GFRA1: variants seen among roughly 807,000 people sequenced by gnomAD.
The protein encoded by GFRA1 is GDNF family receptor alpha 1.
Under a neutral mutation model 51.6 loss-of-function variants are expected in GFRA1, and 16 were observed. The ratio of observed to expected loss-of-function variants is 0.31; its 90% CI spans 0.21 to 0.47. The LOEUF is 0.47. Ranked by LOEUF, GFRA1 falls within the 20% of genes least tolerant of loss-of-function variation. The probability of loss-of-function intolerance (pLI) is 1.00; values close to 1 mark genes in which losing one functional copy is unlikely to be tolerated. For synonymous variants in GFRA1, 270 were observed against 241.3 expected (o/e 1.12, Z -1.10); for missense variants, 530 against 594.3 (o/e 0.89, Z 1.13).
At chr10:116,186,570 T>TAA (rs386372545) in intron 5 of GFRA1, among the ~76,000 whole-genome samples, 17,802 of 128,840 alleles carry the variant, frequency 0.14, 1,273 homozygotes, top group African/African-American at 0.17. Flanking sequence ...GAAAGGCTCT[T>TAA]AAAAAAAAAA....
At position 116,057,990 on chromosome 10, in the gene GFRA1, T is replaced by G. The variant is rs1166223504; in HGVS notation, c.*6408A>C. On this transcript the variant is annotated 3_prime_UTR_variant, in exon 11 of 11. Transcript: ENST00000355422. ...GCTGGATCATATAGCCCTCCAATCATTGTGTGTGTGTGTGTGTGTGTGTGT... is the reference window on the plus strand; with the variant it reads ...GCTGGATCATATAGCCCTCCAATCAGTGTGTGTGTGTGTGTGTGTGTGTGT... The G allele has an allele frequency of 7.8e-6, 1 of 129,028 alleles. No individual in the cohort carries two copies. The highest frequency in any genetic ancestry group is 2.9e-5 in the African/African-American group (1 of 34,022). 8.0% of individuals were successfully genotyped at this position (129,028 alleles called of 1,614,324 possible). A position where few individuals can be genotyped will look rare whatever the true frequency, so the allele number is the denominator to read the frequency against.
intron 5 of GFRA1, among the ~76,000 whole-genome samples, chr10:116,144,017 G>T (rs962521595): frequency 3.3e-5 from 5 of 152,180 alleles, no homozygotes; most frequent in South Asian, 4.2e-4. Flanking sequence ...AAATTTTTTT[G>T]AGCATAACAG....
intron 9 of GFRA1, among the ~76,000 whole-genome samples, chr10:116,081,047 G>T (rs1955828185): frequency 6.6e-6 from 1 of 152,204 alleles, no homozygotes; most frequent in Non-Finnish European, 1.5e-5. Context: ...TGTCTAGCTG[G>T]TTCTGATCTG....
intron 6 of GFRA1, among the ~76,000 whole-genome samples, chr10:116,110,391 G>A (rs1012211789): frequency 6.6e-6 from 1 of 152,118 alleles, no homozygotes; most frequent in South Asian, 2.1e-4. Context: ...CACGCCTGCA[G>A]GGCAGCTGGG....
intron 5 of GFRA1, among the ~76,000 whole-genome samples, chr10:116,150,683 A>T (rs923267334): frequency 1.3e-5 from 2 of 152,200 alleles, no homozygotes; most frequent in Non-Finnish European, 2.9e-5. Flanking sequence ...TATTTATAGC[A>T]TTCTGTTTTT....
chr10:116,086,170 G>C (rs1285225823), intron 9 of GFRA1, among the ~76,000 whole-genome samples: 1 of 152,166 alleles, frequency 6.6e-6, no homozygotes, highest in East Asian at 1.9e-4. Context: ...CTGCTGTGAG[G>C]AGTGCAGAGG....
At chr10:116,076,802 T>G (rs1404144930) in intron 9 of GFRA1, among the ~76,000 whole-genome samples, 1 of 152,176 alleles carries the variant, frequency 6.6e-6, no homozygotes, top group Non-Finnish European at 1.5e-5. Flanking sequence ...ATAACTGTGT[T>G]TGTATCCCTG....
chr10:116,246,813 A>G (rs756323637), intron 4 of GFRA1, among the ~76,000 whole-genome samples: 6 of 152,186 alleles, frequency 3.9e-5, no homozygotes, highest in Non-Finnish European at 8.8e-5. Context: ...TATCTCAATA[A>G]AGCTGTTACC....
At chr10:116,099,442 G>A (rs761511264) in intron 6 of GFRA1, among the ~76,000 whole-genome samples, 4 of 152,166 alleles carry the variant, frequency 2.6e-5, no homozygotes, top group African/African-American at 9.7e-5. Context: ...TCTGGGACAG[G>A]CTTCCTCTCC....
At chr10:116,240,350 C>G (rs948136771) in intron 4 of GFRA1, among the ~76,000 whole-genome samples, 4 of 152,184 alleles carry the variant, frequency 2.6e-5, no homozygotes, top group African/African-American at 9.6e-5. Context: ...CTTCCTGTAG[C>G]TCAGCTGGCG....
At chr10:116,168,817 C>T (rs1421650437) in intron 5 of GFRA1, among the ~76,000 whole-genome samples, 5 of 152,154 alleles carry the variant, frequency 3.3e-5, no homozygotes, top group African/African-American at 1.2e-4. Flanking sequence ...TTCTTGAAGC[C>T]ATCCACATCC....
chr10:116,125,360 T>G lies in GFRA1; in HGVS notation c.631A>C (p.Met211Leu). The change falls in exon 6 of 11, where the codon ATG (methionine) becomes CTG (leucine). Residue 211 changes from methionine (M) to leucine (L), a missense_variant. Physicochemically the swap from Met to Leu is conservative, Grantham distance 15. Transcript: ENST00000355422. ...DKVPAKHSYG[M>L]LFCSCRDIAC... The stretch of plus-strand genomic sequence containing the variant: ...ATGTCCCGGCAGGAGCAGAAGAGCA[T>G]TCCGTAGCTGTGCTTGGCCGGGACC... 6.2e-7 allele frequency: 1 copy of G among 1,614,218 alleles called. No individual in the cohort carries two copies. Among genetic ancestry groups the G allele is most frequent in the South Asian group, 1.1e-5 (1 of 91,088 alleles).
At chr10:116,176,656 C>A (rs1390735732) in intron 5 of GFRA1, among the ~76,000 whole-genome samples, 3 of 152,146 alleles carry the variant, frequency 2.0e-5, no homozygotes, top group African/African-American at 4.8e-5. Flanking sequence ...AATTACCCAG[C>A]CTCACATATT....
chr10:116,160,914 G>A (rs997393023), intron 5 of GFRA1, among the ~76,000 whole-genome samples: 2 of 152,144 alleles, frequency 1.3e-5, no homozygotes, highest in African/African-American at 2.4e-5. Flanking sequence ...TGGGTTACAC[G>A]ATCTTAATTT....
chr10:116,089,536 A>C (rs904619780), intron 9 of GFRA1, among the ~76,000 whole-genome samples: 1 of 152,222 alleles, frequency 6.6e-6, no homozygotes, highest in Admixed American at 6.5e-5. Context: ...AGTAAACGAC[A>C]GAGTCAGTTC....
chr10:116,238,828 CA>C (rs954912600), intron 4 of GFRA1, among the ~76,000 whole-genome samples: 3 of 151,732 alleles, frequency 2.0e-5, no homozygotes, highest in Admixed American at 6.6e-5. Flanking sequence ...GCTACAATGC[CA>C]AAAAAAATCT....
At chr10:116,086,446 G>T (rs1021083546) in intron 9 of GFRA1, among the ~76,000 whole-genome samples, 8 of 152,212 alleles carry the variant, frequency 5.3e-5, no homozygotes, top group African/African-American at 1.9e-4. Flanking sequence ...GTGCTTTGTA[G>T]GTGAGGAAGC....
rs1324374001 is a variant in GFRA1, at chr10:116,272,983, C to T, written c.-247+180G>A. On this transcript the variant is annotated intron_variant, in intron 1 of 10. Transcript: ENST00000355422. The surrounding 1 kb of genome is among the most constrained non-coding windows in gnomAD (Gnocchi z 4.4). ...CAGGGCGAGCGCGCCGGCCCGCAGT[C>T]CCGGCGTGCCCCGGCAGGTGCAGCC... 6.6e-6 allele frequency: 1 copy of T among 152,138 alleles called. No homozygotes were observed. The highest frequency in any genetic ancestry group is 6.5e-5 in the Admixed American group (1 of 15,280). The allele number at this position is 152,138 out of a possible 1,614,324, so 9.4% of individuals were successfully genotyped here.
At chr10:116,154,626 C>G (rs1959169228) in intron 5 of GFRA1, among the ~76,000 whole-genome samples, 1 of 152,164 alleles carries the variant, frequency 6.6e-6, no homozygotes, top group South Asian at 2.1e-4. Context: ...ATTGGCTGGG[C>G]TTCAACAGCT....
Sources: allele counts gnomAD v4.1 joint callset (sites outside exome capture counted in the v4.1 genomes callset), GRCh38; gene constraint gnomAD v4.1.1; non-coding constraint Gnocchi (gnomAD v3.1); transcripts MANE v1.5; gene names NCBI Gene and HGNC (gene_info 2026-07-23, HGNC 2026-07-21).